DLEC1: variants seen among roughly 807,000 people sequenced by gnomAD.
The protein encoded by DLEC1 is deleted in lung and esophageal cancer protein 1.
Under a neutral mutation model 198.1 loss-of-function variants are expected in DLEC1, and 146 were observed. The observed-to-expected ratio is 0.74, with a 90% CI of 0.64 to 0.85. DLEC1 has a LOEUF of 0.85. Among genes scored for constraint, DLEC1 ranks in the 40% least tolerant of loss-of-function variants. The probability of loss-of-function intolerance (pLI) is 0.00; values close to 1 mark genes in which losing one functional copy is unlikely to be tolerated. For missense variants in DLEC1, 2,233 were observed against 2,220.0 expected (o/e 1.01, Z -0.12); for synonymous variants, 897 against 866.8 (o/e 1.03, Z -0.61).
intron 2 of DLEC1, among the ~76,000 whole-genome samples, chr3:38,055,727 G>T (rs1057311465): frequency 6.6e-6 from 1 of 152,088 alleles, no homozygotes; most frequent in Admixed American, 6.6e-5. Flanking sequence ...AAGCAACGTG[G>T]ACTCTAAAGC....
chr3:38,093,065 G>A (rs1387707922), intron 11 of DLEC1, among the ~76,000 whole-genome samples, 185 bp downstream of exon 11: 1 of 152,208 alleles, frequency 6.6e-6, no homozygotes, highest in Non-Finnish European at 1.5e-5. Context: ...GTCTGACTTT[G>A]GAGACCAAGC....
intron 2 of DLEC1, among the ~76,000 whole-genome samples, chr3:38,057,262 G>A (rs1282900267): frequency 1.3e-5 from 2 of 152,214 alleles, no homozygotes; most frequent in African/African-American, 4.8e-5. Flanking sequence ...AGGCCAAGGC[G>A]GGCAGATCAC....
chr3:38,120,501 A>G lies in DLEC1; in HGVS notation c.4758A>G (p.Pro1586=), dbSNP rs2125752476. 6.2e-7 allele frequency: 1 copy of G among 1,614,234 alleles called. No homozygotes were observed. Among genetic ancestry groups the G allele is most frequent in the Non-Finnish European group, 8.5e-7 (1 of 1,180,018 alleles). ...SLELLSYQKL[P]ADQTLPGVDI... ...AGCTGCTCTCCTATCAGAAGCTCCC[A>G]GCTGACCAGACACTGCCTGGGGTGG... The change falls in exon 34 of 37, where the codon CCA becomes CCG. Residue 1586 remains proline, a synonymous_variant. Transcript: ENST00000308059.
In DLEC1 at chr3:38,045,707, A is replaced by C; in HGVS notation, c.562+14A>C. On this transcript the variant is annotated intron_variant, in intron 2 of 36. Transcript: ENST00000308059. The stretch of plus-strand genomic sequence containing the variant: ...GGTTGCCTCCAGGTGTGTATAAAGA[A>C]CTCCCACATGCCTGCCCAATTCCCG... The C allele has an allele frequency of 6.3e-7, 1 of 1,596,698 alleles. No homozygotes were observed. The highest frequency in any genetic ancestry group is 1.4e-5 in the African/African-American group (1 of 73,874).
chr3:38,081,915 C>T (rs1222344899), intron 6 of DLEC1, among the ~76,000 whole-genome samples: 24 of 144,934 alleles, frequency 1.7e-4, no homozygotes, highest in East Asian at 6.5e-4. Flanking sequence ...ACCTCCCTCC[C>T]GGACGGGGTG....
chr3:38,099,791 GC>G (rs1699213023), intron 18 of DLEC1, among the ~76,000 whole-genome samples: 1 of 140,946 alleles, frequency 7.1e-6, no homozygotes, highest in Admixed American at 7.0e-5. Context: ...GGGGGTGGGG[GC>G]GGGTAAATGA....
At chr3:38,066,114 A>C (rs1161924426) in intron 6 of DLEC1, among the ~76,000 whole-genome samples, 1 of 152,240 alleles carries the variant, frequency 6.6e-6, no homozygotes, top group African/African-American at 2.4e-5. Flanking sequence ...ATCAGGAGGA[A>C]GCATGGGATC....
At position 38,092,780 on chromosome 3, in the gene DLEC1, T is replaced by C; in HGVS notation, c.1666-10T>C. ...ATGGGAGGTAACGGAACAACCCTTC[T>C]CTCCCCCAGGTCTTGTTTTCCCCAA... is the stretch of plus-strand genomic sequence containing the variant. On this transcript the variant is annotated splice_polypyrimidine_tract_variant and intron_variant, in intron 10 of 36. Transcript: ENST00000308059. 1.2e-6 allele frequency: 2 copies of C among 1,613,380 alleles called. No homozygotes were observed. The highest frequency in any genetic ancestry group is 2.7e-5 in the African/African-American group (2 of 74,984).
intron 3 of DLEC1, among the ~76,000 whole-genome samples, chr3:38,061,686 G>A (rs557560656): frequency 6.6e-6 from 1 of 152,210 alleles, no homozygotes; most frequent in Admixed American, 6.5e-5. Flanking sequence ...GTTTGTTTTT[G>A]AGACCGGGTC....
chr3:38,116,343 T>G (rs968121212), intron 27 of DLEC1, 110 bp from the exon 28 acceptor site: 11 of 1,035,474 alleles, frequency 1.1e-5, no homozygotes, highest in African/African-American at 1.6e-5. Flanking sequence ...CCCCTCCACC[T>G]GGGTATGGGA....
At chr3:38,080,685 A>G (rs1021841275) in intron 6 of DLEC1, among the ~76,000 whole-genome samples, 1 of 152,022 alleles carries the variant, frequency 6.6e-6, no homozygotes, top group Non-Finnish European at 1.5e-5. Flanking sequence ...TAAGTTCTTG[A>G]GAACACAGGC....
At position 38,097,915 on chromosome 3, in the gene DLEC1, C is replaced by T. The variant is rs1345385647; in HGVS notation, c.2724+13C>T. ...AAGGCCTGAGGATGTAAGTCAGGCA[C>T]TGCTGGTTCCTCTGGTGCCCCCACA... On this transcript the variant is annotated intron_variant, in intron 18 of 36. Coordinates refer to ENST00000308059, the MANE Select transcript of DLEC1 (RefSeq NM_007335.4). 1 of 1,613,932 alleles carries T rather than the reference C, an allele frequency of 6.2e-7. No homozygotes were observed. The highest frequency in any genetic ancestry group is 8.5e-7 in the Non-Finnish European group (1 of 1,179,938).
intron 2 of DLEC1, among the ~76,000 whole-genome samples, chr3:38,047,913 C>T (rs570605507): frequency 6.6e-6 from 1 of 152,208 alleles, no homozygotes; most frequent in South Asian, 2.1e-4. Context: ...TTTGATTACC[C>T]CAAAGTATGG....
intron 6 of DLEC1, among the ~76,000 whole-genome samples, chr3:38,072,000 G>T (rs2125635828): frequency 6.6e-6 from 1 of 152,340 alleles, no homozygotes; most frequent in East Asian, 1.9e-4. Context: ...GCCTGCCTTT[G>T]CTGGTGAGTG....
Position 38,116,864 on chromosome 3 carries a change from T to G in DLEC1, c.4154T>G (p.Leu1385Arg). ...QAHEGVPSGH[L>R]YCISPKQVVV... is the part of the protein sequence containing the mutation. ...CATGAGGGGGTGCCCTCCGGCCACC[T>G]GTACTGTATCAGCCCCAAGCAGGTG... Residue 1385 changes from leucine (L) to arginine (R), a missense_variant, in exon 29 of 37, where the codon CTG (leucine) becomes CGG (arginine). By Grantham distance (102) the Leu-to-Arg change is moderately radical (BLOSUM62 -2). Coordinates refer to ENST00000308059, the MANE Select transcript of DLEC1 (RefSeq NM_007335.4). 6.2e-7 allele frequency: 1 copy of G among 1,613,674 alleles called. No individual in the cohort carries two copies. Among genetic ancestry groups the G allele is most frequent in the East Asian group, 2.2e-5 (1 of 44,870 alleles).
In DLEC1 at chr3:38,042,802, G is replaced by A. The variant is rs184821060; in HGVS notation, c.412-2741G>A. 2.0e-3 allele frequency among the ~76,000 whole-genome samples: 300 copies of A among 152,132 alleles called. 3 individuals carry two copies. Among genetic ancestry groups the A allele is most frequent in the African/African-American group, 6.8e-3 (282 of 41,514 alleles). ...GAACTCCTGACCTCGTGATCCACCC[G>A]CCTCGGCCTCCCAAAGTGCTGGGAT... On this transcript the variant is annotated intron_variant, in intron 1 of 36. Coordinates refer to ENST00000308059, the MANE Select transcript of DLEC1 (RefSeq NM_007335.4).
rs904504939 is a variant in DLEC1, at chr3:38,120,596, A to G, written c.4853A>G (p.Asn1618Ser). 7.4e-6 allele frequency: 12 copies of G among 1,613,306 alleles called. No individual in the cohort carries two copies. The African/African-American group carries it at 1.5e-4, about 20-fold the overall frequency. ...FTQNLLLEYT[N>S]QTTQVVPLRA... ...CAGAACCTGCTCCTGGAGTACACCA[A>G]CCAGACCACTCAGGCACGCCCCAGG... The change falls in exon 34 of 37, where the codon AAC (asparagine) becomes AGC (serine). Residue 1618 changes from asparagine (N) to serine (S), a missense_variant. Asn to Ser is a conservative substitution (Grantham distance 46, BLOSUM62 1). Transcript: ENST00000308059.
chr3:38,039,977 G>A (rs1038249416), intron 1 of DLEC1, among the ~76,000 whole-genome samples: 1 of 152,190 alleles, frequency 6.6e-6, no homozygotes, highest in African/African-American at 2.4e-5. Flanking sequence ...AAAGTCACCC[G>A]GCTTTGGGGT....
At position 38,116,826 on chromosome 3, in the gene DLEC1, C is replaced by A; in HGVS notation, c.4116C>A (p.Val1372=). 1 of 1,613,820 alleles carries A rather than the reference C, an allele frequency of 6.2e-7. No individual in the cohort carries two copies. Among genetic ancestry groups the A allele is most frequent in the South Asian group, 1.1e-5 (1 of 91,016 alleles). The part of the protein sequence containing the change: ...SNRVAQKLIS[V]ILQAHEGVPS... The stretch of plus-strand genomic sequence containing the variant: ...GGGTGGCACAGAAGCTCATCTCAGT[C>A]ATCCTGCAGGCACATGAGGGGGTGC... Residue 1372 remains valine, a synonymous_variant, in exon 29 of 37, where the codon GTC becomes GTA. Coordinates refer to ENST00000308059, the MANE Select transcript of DLEC1 (RefSeq NM_007335.4).
Sources: allele counts gnomAD v4.1 joint callset (sites outside exome capture counted in the v4.1 genomes callset), GRCh38; gene constraint gnomAD v4.1.1; transcripts MANE v1.5; gene names NCBI Gene and HGNC (gene_info 2026-07-23, HGNC 2026-07-21).